The following ADGRE5 variants were observed in gnomAD, a reference collection of about 807,000 sequenced individuals.
ADGRE5 encodes CD97 molecule.
A neutral mutation model predicts 100.3 loss-of-function variants in ADGRE5; 72 were observed. The observed-to-expected ratio is 0.72, with a 90% CI of 0.59 to 0.87. The LOEUF (loss-of-function observed/expected upper bound fraction) is 0.87. ADGRE5 is among the 40% of genes least tolerant of loss of function. The probability of loss-of-function intolerance (pLI) is 0.00; values close to 1 mark genes in which losing one functional copy is unlikely to be tolerated. For synonymous variants in ADGRE5, 439 were observed against 447.8 expected (o/e 0.98, Z 0.25); for missense variants, 959 against 1,094.7 (o/e 0.88, Z 1.75).
At position 14,396,382 on chromosome 19, in the gene ADGRE5, C is replaced by T. The variant is rs1450651653; in HGVS notation, c.387C>T (p.Ser129=). Reference sequence around the variant, plus strand: ...AGCAGAACCCAAGGCTCTGTAAAAGCTACGGCACCTGCGTCAACACCCTTG... The same window carrying T: ...AGCAGAACCCAAGGCTCTGTAAAAGTTACGGCACCTGCGTCAACACCCTTG... ...ECQQNPRLCK[S]YGTCVNTLGS... is the part of the protein sequence containing the mutation. Residue 129 remains serine (S), a synonymous_variant, in exon 5 of 20, where the codon AGC becomes AGT. Coordinates refer to ENST00000242786, the MANE Select transcript of ADGRE5 (RefSeq NM_078481.4). The T allele has an allele frequency of 1.2e-6, 2 of 1,613,712 alleles. No homozygotes were observed. The highest frequency in any genetic ancestry group is 2.2e-5 in the South Asian group (2 of 91,090).
chr19:14,405,721 A>T, intron 13 of ADGRE5, 27 bp from the exon 14 acceptor site: 1 of 1,584,260 alleles, frequency 6.3e-7, no homozygotes, highest in Middle Eastern at 1.7e-4. Flanking sequence ...CCCTGAAGGA[A>T]CCCTGAGCAC....
intron 12 of ADGRE5, among the ~76,000 whole-genome samples, chr19:14,403,746 G>T (rs534335358): frequency 6.6e-6 from 1 of 151,690 alleles, no homozygotes; most frequent in African/African-American, 2.4e-5. Context: ...CTCCCACCTT[G>T]GCCTCCCAAA....
chr19:14,390,467 G>A (rs1013031351), intron 3 of ADGRE5, among the ~76,000 whole-genome samples: 1 of 151,946 alleles, frequency 6.6e-6, no homozygotes, highest in African/African-American at 2.4e-5. Context: ...GTGATTACAG[G>A]CATGCACCAC....
chr19:14,404,865 C>CTTT, intron 13 of ADGRE5: 1 of 317,736 alleles, frequency 3.1e-6, no homozygotes, highest in Non-Finnish European at 5.7e-6. Context: ...ACCACTTGCC[C>CTTT]GTTTTTTTTT....
chr19:14,403,603 C>T (rs1976100271), intron 12 of ADGRE5, among the ~76,000 whole-genome samples: 1 of 152,110 alleles, frequency 6.6e-6, no homozygotes, highest in Non-Finnish European at 1.5e-5. Flanking sequence ...ATCCTCCCAC[C>T]TCAGCCTCCT....
intron 9 of ADGRE5, among the ~76,000 whole-genome samples, chr19:14,399,802 CACTTA>C (rs1975940306): frequency 6.6e-6 from 1 of 151,812 alleles, no homozygotes; most frequent in Non-Finnish European, 1.5e-5. Flanking sequence ...TGATGTGAGC[CACTTA>C]ACATCATTTT....
intron 5 of ADGRE5, among the ~76,000 whole-genome samples, chr19:14,396,767 T>C (rs1162646598): frequency 6.6e-6 from 1 of 152,198 alleles, no homozygotes; most frequent in African/African-American, 2.4e-5. Flanking sequence ...AAGGGGAATC[T>C]CCACTATGAC....
At chr19:14,394,639 A>G (rs927531769) in intron 4 of ADGRE5, among the ~76,000 whole-genome samples, 5 of 152,142 alleles carry the variant, frequency 3.3e-5, no homozygotes, top group African/African-American at 4.8e-5. Flanking sequence ...ATTCCAGTAC[A>G]GTATCCATCC....
intron 3 of ADGRE5, among the ~76,000 whole-genome samples, chr19:14,390,060 G>C (rs1008120752): frequency 1.5e-5 from 2 of 137,370 alleles, no homozygotes; most frequent in Non-Finnish European, 3.1e-5. Flanking sequence ...TGGGCAACAA[G>C]AGTGAAACTC....
intron 11 of ADGRE5, 90 bp from the exon 12 acceptor site, chr19:14,402,507 G>C: frequency 7.3e-7 from 1 of 1,373,174 alleles, no homozygotes; most frequent in Non-Finnish European, 1.0e-6. Context: ...GTGGTGGACT[G>C]GCTGAGCCTG....
chr19:14,395,838 G>C (rs2146360315), intron 4 of ADGRE5, among the ~76,000 whole-genome samples: 1 of 152,324 alleles, frequency 6.6e-6, no homozygotes, highest in South Asian at 2.1e-4. Flanking sequence ...CTGGCTTAGG[G>C]AGGGGTCTTG....
intron 5 of ADGRE5, 86 bp downstream of exon 5, chr19:14,396,559 G>A (rs1284551201): frequency 6.3e-6 from 10 of 1,577,040 alleles, no homozygotes; most frequent in South Asian, 1.2e-5. Context: ...CGAGGAGGAG[G>A]GGGAAGATCC....
intron 2 of ADGRE5, 74 bp downstream of exon 2, chr19:14,388,574 C>G (rs1355576193): frequency 6.3e-7 from 1 of 1,597,172 alleles, no homozygotes; most frequent in Non-Finnish European, 8.5e-7. Flanking sequence ...CCGCCCAGCC[C>G]CCTTCAGCCC....
At position 14,408,093 on chromosome 19, in the gene ADGRE5, C is replaced by T. The variant is rs1178758996; in HGVS notation, c.2480C>T (p.Ala827Val). ...AGGCCTCTGGGCTCTCCTCTCCAGGCCCTCAGGGCATCAGAGTCCGGCATA... is the reference window on the plus strand; with the variant it reads ...AGGCCTCTGGGCTCTCCTCTCCAGGTCCTCAGGGCATCAGAGTCCGGCATA... ...TSGTGHNQTRALRASESGI is the reference protein window; with the variant it reads ...TSGTGHNQTRVLRASESGI The change falls in exon 20 of 20, where the codon GCC becomes GTC. Residue 827 changes from alanine to valine, a missense_variant and splice_region_variant. This residue lies in a region of ADGRE5 where 428 missense variants were observed against 386.2 expected (regional missense o/e 1.11). Transcript: ENST00000242786. 3 of 1,613,874 alleles carry T rather than the reference C, an allele frequency of 1.9e-6. No individual in the cohort carries two copies. In the East Asian group the frequency reaches 6.7e-5, roughly 36 times the overall value.
Position 14,406,809 on chromosome 19 carries a change from G to A in ADGRE5, c.2115+43G>A, listed in dbSNP as rs1976262080. 1 of 1,611,702 alleles carries A rather than the reference G, an allele frequency of 6.2e-7. No homozygotes were observed. Reference sequence around the variant, plus strand: ...CTCCACCGAAGCCCGAGCGCCACAGGCCCAGGCCCGGCTGGACCATCGCTC... The same window carrying A: ...CTCCACCGAAGCCCGAGCGCCACAGACCCAGGCCCGGCTGGACCATCGCTC... On this transcript the variant is annotated intron_variant, in intron 16 of 19. Transcript: ENST00000242786. The surrounding 1 kb of genome is among the most constrained non-coding windows in gnomAD (Gnocchi z 6.0).
Position 14,405,925 on chromosome 19 carries a change from A to G in ADGRE5, c.1807A>G (p.Asn603Asp). 1 of 1,608,086 alleles carries G rather than the reference A, an allele frequency of 6.2e-7. No homozygotes were observed. The highest frequency in any genetic ancestry group is 1.1e-5 in the South Asian group (1 of 91,048). Residue 603 changes from asparagine to aspartate, a missense_variant, in exon 14 of 20, where the codon AAC (asparagine) becomes GAC (aspartate). This residue lies in a region of ADGRE5 where 428 missense variants were observed against 386.2 expected (regional missense o/e 1.11). Transcript: ENST00000242786. ...CACCATCTTCCTGGCCGGCATCGAG[A>G]ACGAAGGCGGCCAGGTGAGGTCCCG... is the stretch of plus-strand genomic sequence containing the variant. Reference protein sequence around the residue: ...GSTIFLAGIENEGGQVGLRCR... With the variant: ...GSTIFLAGIEDEGGQVGLRCR...
rs779343827 is a variant in ADGRE5 at position 14,405,969 on chromosome 19, T to C, written c.1821+30T>C. The stretch of plus-strand genomic sequence containing the variant: ...GGTCCCGCCCCGCTCCCTCCTGAGC[T>C]CTGGGGTCAGGGAGGCCTGGGAGGG... On this transcript the variant is annotated intron_variant, in intron 14 of 19. Coordinates refer to ENST00000242786, the MANE Select transcript of ADGRE5 (RefSeq NM_078481.4). 3.2e-6 allele frequency: 5 copies of C among 1,576,264 alleles called. No homozygotes were observed. The African/African-American group carries it at 4.1e-5, about 13-fold the overall frequency.
chr19:14,393,147 G>A (rs1975659211), intron 4 of ADGRE5, among the ~76,000 whole-genome samples: 1 of 150,692 alleles, frequency 6.6e-6, no homozygotes, highest in South Asian at 2.1e-4. Context: ...GTTGCAGTGA[G>A]CCGATATTGC....
At chr19:14,396,123 G>C (rs1026446501) in intron 4 of ADGRE5, 2 of 706,308 alleles carry the variant, frequency 2.8e-6, no homozygotes, top group Non-Finnish European at 4.5e-6. Context: ...TGCCCAGGAA[G>C]GCAGAGGAGA....
Sources: allele counts gnomAD v4.1 joint callset (sites outside exome capture counted in the v4.1 genomes callset), GRCh38; gene constraint gnomAD v4.1.1; regional missense constraint gnomAD v4.1.1; non-coding constraint Gnocchi (gnomAD v3.1); transcripts MANE v1.5; gene names NCBI Gene and HGNC (gene_info 2026-07-23, HGNC 2026-07-21).